The following ARHGAP6 variants were observed in gnomAD, a reference collection of about 807,000 sequenced individuals.
The protein encoded by ARHGAP6 is Rho GTPase activating protein 6.
Under a neutral mutation model 55.7 loss-of-function variants are expected in ARHGAP6, and 16 were observed. That is an observed-to-expected ratio of 0.29 (90% CI 0.19 to 0.44). ARHGAP6 has a LOEUF of 0.44. ARHGAP6 is among the 20% of genes least tolerant of loss of function. The probability of loss-of-function intolerance (pLI) is 1.00; values close to 1 mark genes in which losing one functional copy is unlikely to be tolerated. For missense variants in ARHGAP6, 698 were observed against 808.9 expected, an observed-to-expected ratio of 0.86 and a Z score of 1.66; for synonymous variants, 382 against 360.9, an observed-to-expected ratio of 1.06 and a Z score of -0.66.
chrX:11,223,936 G>T (rs954535132), intron 2 of ARHGAP6, among the ~76,000 whole-genome samples: 18 of 111,765 alleles, frequency 1.6e-4, no homozygotes, highest in African/African-American at 5.2e-4. Flanking sequence ...AGTCAGTTAG[G>T]AAGGGATCCT....
chrX:11,595,880 TCACA>T (rs1280131817), intron 1 of ARHGAP6, among the ~76,000 whole-genome samples: 1 of 111,989 alleles, frequency 8.9e-6, no homozygotes, highest in Non-Finnish European at 1.9e-5. Context: ...AGATACCATC[TCACA>T]CCAGTTAGAA....
chrX:11,574,807 G>A (rs922673995), intron 1 of ARHGAP6, among the ~76,000 whole-genome samples: 10 of 108,180 alleles, frequency 9.2e-5, no homozygotes, highest in African/African-American at 3.4e-4. Context: ...CAGATGACAT[G>A]ATTGTACATC....
chrX:11,365,297 T>C (rs1453831402), intron 1 of ARHGAP6, among the ~76,000 whole-genome samples: 1 of 111,899 alleles, frequency 8.9e-6, no homozygotes, highest in African/African-American at 3.3e-5. Flanking sequence ...ATGCTGGACT[T>C]CTTGTCATCT....
At chrX:11,470,900 C>G (rs943221016) in intron 1 of ARHGAP6, among the ~76,000 whole-genome samples, 2 of 111,852 alleles carry the variant, frequency 1.8e-5, no homozygotes, top group Admixed American at 1.9e-4. Flanking sequence ...TCATTTTGAA[C>G]TGGGCCTTGC....
intron 1 of ARHGAP6, among the ~76,000 whole-genome samples, chrX:11,541,616 A>G (rs1428617351): frequency 8.9e-6 from 1 of 112,120 alleles, no homozygotes; most frequent in African/African-American, 3.2e-5. Context: ...TCACCACTCC[A>G]TCACAGGATT....
At chrX:11,257,903 C>T (rs2047512249) in intron 1 of ARHGAP6, among the ~76,000 whole-genome samples, 1 of 111,427 alleles carries the variant, frequency 9.0e-6, no homozygotes, top group Admixed American at 9.5e-5. Context: ...GCAGGGTTCG[C>T]CCAGTAGCAA....
At chrX:11,397,065 A>G (rs2049485955) in intron 1 of ARHGAP6, among the ~76,000 whole-genome samples, 1 of 111,401 alleles carries the variant, frequency 9.0e-6, no homozygotes, top group African/African-American at 3.3e-5. Context: ...AACTGTTGTG[A>G]GATGCCCCTG....
At chrX:11,570,525 G>A (rs1361439902) in intron 1 of ARHGAP6, among the ~76,000 whole-genome samples, 1 of 110,459 alleles carries the variant, frequency 9.1e-6, no homozygotes, top group Non-Finnish European at 1.9e-5. Context: ...TAGGAACTAT[G>A]GTAAGTGTTA....
At chrX:11,506,795 G>C (rs1468619045) in intron 1 of ARHGAP6, among the ~76,000 whole-genome samples, 13 of 111,507 alleles carry the variant, frequency 1.2e-4, no homozygotes, top group Admixed American at 1.0e-3. Context: ...TCTAGTTCTA[G>C]ATCCTTGAGG....
chrX:11,614,655 G>T (rs2052142090), intron 1 of ARHGAP6, among the ~76,000 whole-genome samples: 1 of 111,757 alleles, frequency 8.9e-6, no homozygotes, highest in South Asian at 3.7e-4. Flanking sequence ...CTGAAACACA[G>T]AATGACTGTT....
At chrX:11,433,237 TATGC>T (rs2049957121) in intron 1 of ARHGAP6, among the ~76,000 whole-genome samples, 1 of 112,124 alleles carries the variant, frequency 8.9e-6, no homozygotes, top group African/African-American at 3.2e-5. Flanking sequence ...ATCATAAAGT[TATGC>T]ATCAATTGGA....
intron 1 of ARHGAP6, among the ~76,000 whole-genome samples, chrX:11,622,601 A>C (rs1364561463): frequency 1.8e-5 from 2 of 111,572 alleles, no homozygotes. Context: ...TGTCACAAAA[A>C]TGACTGATTA....
intron 1 of ARHGAP6, among the ~76,000 whole-genome samples, chrX:11,505,982 G>A (rs774640762): frequency 1.8e-5 from 2 of 110,696 alleles, no homozygotes; most frequent in Non-Finnish European, 3.8e-5. Flanking sequence ...ACAACAAACC[G>A]CTATAACAAG....
At position 11,641,050 on chromosome X, in the gene ARHGAP6, C is replaced by T. The variant is rs956789254; in HGVS notation, c.588+23191G>A. Among the ~76,000 whole-genome samples, 15 of 97,977 alleles carry T rather than the reference C, an allele frequency of 1.5e-4. 1 individual carries two copies. The highest frequency in any genetic ancestry group is 2.9e-4 in the Non-Finnish European group (14 of 47,770). 85.1% of individuals were successfully genotyped at this position (97,977 alleles called of 115,157 possible). A position where few individuals can be genotyped will look rare whatever the true frequency, so the allele number is the denominator to read the frequency against. On this transcript the variant is annotated intron_variant, in intron 1 of 12. Transcript: ENST00000337414. ...CTTGCTGGCACAGAGATTGAGTAAC[C>T]CATTTTTTTTTTCTGGACTAGTAAG... is the stretch of plus-strand genomic sequence containing the variant.
At chrX:11,254,513 AG>A in intron 2 of ARHGAP6, 34 bp downstream of exon 2, 1 of 1,196,046 alleles carries the variant, frequency 8.4e-7, no homozygotes, top group Non-Finnish European at 1.1e-6. Flanking sequence ...TTTGACTTGC[AG>A]TGTTCCCCGG....
At chrX:11,443,155 G>A (rs369777110) in intron 1 of ARHGAP6, among the ~76,000 whole-genome samples, 2 of 112,157 alleles carry the variant, frequency 1.8e-5, no homozygotes, top group South Asian at 7.5e-4. Context: ...GCCTGTTTCT[G>A]AACTTTAAGG....
At chrX:11,547,101 G>T (rs978681159) in intron 1 of ARHGAP6, among the ~76,000 whole-genome samples, 2 of 112,106 alleles carry the variant, frequency 1.8e-5, no homozygotes, top group Non-Finnish European at 3.8e-5. Flanking sequence ...TCCATATGAT[G>T]GCATGTAGGT....
intron 1 of ARHGAP6, among the ~76,000 whole-genome samples, chrX:11,518,424 AT>A (rs1174819390): frequency 1.9e-5 from 2 of 104,799 alleles, no homozygotes; most frequent in African/African-American, 7.0e-5. Context: ...AATTACAGGC[AT>A]GAGCCACTGT....
rs181062459 is a variant in ARHGAP6, at chrX:11,420,639, G to A, written c.589-165932C>T. Among the ~76,000 whole-genome samples the A allele has an allele frequency of 4.8e-3, 537 of 111,552 alleles. 1 individual carries two copies. Among genetic ancestry groups the A allele is most frequent in the African/African-American group, 0.014 (424 of 30,653 alleles). ...TGTGATTGAGAGAGAAACGCTGGGA[G>A]CCACTGTTTCCCTCCCTCTTTCCTT... On this transcript the variant is annotated intron_variant, in intron 1 of 12. Coordinates refer to ENST00000337414, the MANE Select transcript of ARHGAP6 (RefSeq NM_013427.3).
Sources: gnomAD v4.1 joint callset for allele counts (sites outside exome capture counted in the v4.1 genomes callset) on GRCh38, gnomAD v4.1.1 for gene constraint, MANE v1.5 for transcripts, NCBI Gene and HGNC (gene_info 2026-07-23, HGNC 2026-07-21) for gene names.